Variants in SND1 observed in about 807,000 individuals in gnomAD.
SND1 encodes staphylococcal nuclease domain-containing protein 1.
In SND1, 38 loss-of-function variants were observed where a neutral mutation model predicts 121.7. That is an observed-to-expected ratio of 0.31 (90% confidence interval 0.24 to 0.41). The LOEUF (loss-of-function observed/expected upper bound fraction) is 0.41, where lower values mean the gene tolerates loss of function less well. SND1 is among the 10% of genes least tolerant of loss of function. The pLI, the probability that SND1 is intolerant of heterozygous loss-of-function variation, is 1.00. For synonymous variants in SND1, 401 were observed against 447.4 expected (o/e 0.90, Z 1.31); for missense variants, 868 against 1,184.6 (o/e 0.73, Z 3.92).
intron 15 of SND1, among the ~76,000 whole-genome samples, chr7:127,941,889 GTTTTTTT>G (rs34389081): frequency 1.0e-5 from 1 of 100,260 alleles, no homozygotes; most frequent in Non-Finnish European, 2.0e-5. Flanking sequence ...TTGATAGGGA[GTTTTTTT>G]TTTTTTTTTT....
rs1793060568 is a variant in SND1, at chr7:128,052,340, C to G, written c.1780-22162C>G. Among the ~76,000 whole-genome samples, 1 of 152,172 alleles carries G rather than the reference C, an allele frequency of 6.6e-6. No individual in the cohort carries two copies. Among genetic ancestry groups the G allele is most frequent in the South Asian group, 2.1e-4 (1 of 4,824 alleles). On this transcript the variant is annotated intron_variant, in intron 16 of 23. Coordinates refer to ENST00000354725, the MANE Select transcript of SND1 (RefSeq NM_014390.4). This position sits in a 1 kb window ranked among gnomAD's most constrained non-coding sequence, Gnocchi z 4.6. ...CCATCTCAGCTGTCTGGACAAGCTC[C>G]CATTCTGGCAGCTTGTCCATCAAGG...
chr7:127,962,721 A>G (rs1168711158), intron 15 of SND1, among the ~76,000 whole-genome samples: 2 of 152,212 alleles, frequency 1.3e-5, no homozygotes, highest in African/African-American at 2.4e-5. Context: ...ATTGAAAACT[A>G]TCCGACTGTC....
At chr7:127,702,285 A>C (rs1263663537) in intron 5 of SND1, 150 bp from the exon 6 acceptor site, 1 of 661,878 alleles carries the variant, frequency 1.5e-6, no homozygotes, top group African/African-American at 1.8e-5. Flanking sequence ...GTAAACTCTC[A>C]TGATCTGCAA....
At chr7:127,864,555 C>G (rs1799433886) in intron 12 of SND1, among the ~76,000 whole-genome samples, 1 of 152,134 alleles carries the variant, frequency 6.6e-6, no homozygotes, top group Non-Finnish European at 1.5e-5. Context: ...ACAGCAGAGT[C>G]TTTCCTGTTA....
At chr7:127,852,163 A>AAAAATAAAAT (rs71522258) in intron 12 of SND1, among the ~76,000 whole-genome samples, 3 of 133,904 alleles carry the variant, frequency 2.2e-5, no homozygotes, top group African/African-American at 5.0e-5. Context: ...CAGTCTCCAA[A>AAAAATAAAAT]AAAATAAAAT....
chr7:127,783,733 A>G lies in SND1; in HGVS notation c.1153-23751A>G, dbSNP rs7809452. 7.9e-3 allele frequency among the ~76,000 whole-genome samples: 1,205 copies of G among 152,304 alleles called. 18 individuals are homozygous for G. The highest frequency in any genetic ancestry group is 0.027 in the African/African-American group (1,126 of 41,546). On this transcript the variant is annotated intron_variant, in intron 10 of 23. Transcript: ENST00000354725. ...GAAAAAAAAATTCTCTTTAATCATC[A>G]AGCACTTATTGAGCACCTACTGTAC...
intron 2 of SND1, among the ~76,000 whole-genome samples, chr7:127,690,130 A>G (rs1715718021): frequency 6.6e-6 from 1 of 151,992 alleles, no homozygotes; most frequent in Admixed American, 6.5e-5. Flanking sequence ...ATATGCTCTC[A>G]GATTTTTTTG....
At chr7:127,692,823 C>T (rs185562610) in intron 2 of SND1, among the ~76,000 whole-genome samples, 28 of 152,280 alleles carry the variant, frequency 1.8e-4, no homozygotes, top group Admixed American at 7.9e-4. Context: ...TCTTATTGAC[C>T]GGTAACTAAC....
At chr7:127,901,303 A>T (rs1800226022) in intron 13 of SND1, among the ~76,000 whole-genome samples, 1 of 152,178 alleles carries the variant, frequency 6.6e-6, no homozygotes, top group South Asian at 2.1e-4. Flanking sequence ...CTCCCTTTGC[A>T]GATAGTGGTG....
At chr7:127,764,056 A>AAGC (rs1554422861) in intron 10 of SND1, among the ~76,000 whole-genome samples, 8 of 135,294 alleles carry the variant, frequency 5.9e-5, no homozygotes, top group Middle Eastern at 4.1e-3. Context: ...AAAAAAACAA[A>AAGC]AAAACAAAAA....
At chr7:127,679,391 C>T (rs2116285769) in intron 1 of SND1, 1 of 152,272 alleles carries the variant, frequency 6.6e-6, no homozygotes, top group East Asian at 1.9e-4. Flanking sequence ...GTAAAATATA[C>T]ATTTTATGTC....
chr7:127,879,554 G>A (rs1229735183), intron 12 of SND1, among the ~76,000 whole-genome samples: 1 of 152,102 alleles, frequency 6.6e-6, no homozygotes, highest in South Asian at 2.1e-4. Context: ...TCAGCACCCT[G>A]TAGCTTTCCT....
At chr7:128,033,423 C>T (rs138405461) in intron 16 of SND1, among the ~76,000 whole-genome samples, 2 of 152,320 alleles carry the variant, frequency 1.3e-5, no homozygotes, top group East Asian at 1.9e-4. Flanking sequence ...CCCCTCTCCC[C>T]GTGTGATTTC....
intron 9 of SND1, among the ~76,000 whole-genome samples, chr7:127,712,754 A>T (rs1796318836): frequency 6.6e-6 from 1 of 152,118 alleles, no homozygotes; most frequent in South Asian, 2.1e-4. Flanking sequence ...TTTTGGGCTT[A>T]TGTATAGATA....
Position 127,847,414 on chromosome 7 carries a change from T to C in SND1, c.1343+2990T>C, listed in dbSNP as rs77503550. On this transcript the variant is annotated intron_variant, in intron 12 of 23. Coordinates refer to ENST00000354725, the MANE Select transcript of SND1 (RefSeq NM_014390.4). ...CCTTTTATCTTACTTAATGGTGATT[T>C]ATAAACACTAGCCAGAGAAGAGGCT... is the stretch of plus-strand genomic sequence containing the variant. 5.1e-3 allele frequency among the ~76,000 whole-genome samples: 778 copies of C among 152,360 alleles called. 5 individuals are homozygous for C. Among genetic ancestry groups the C allele is most frequent in the Non-Finnish European group, 8.9e-3 (603 of 68,034 alleles).
At chr7:127,726,525 A>G (rs932015197) in intron 10 of SND1, among the ~76,000 whole-genome samples, 3 of 152,196 alleles carry the variant, frequency 2.0e-5, no homozygotes, top group African/African-American at 7.2e-5. Flanking sequence ...TCTTGGAGAA[A>G]GGCTGTGGGT....
In SND1 at chr7:128,085,761, T is replaced by G; in HGVS notation, c.2285T>G (p.Phe762Cys). The change falls in exon 20 of 24, where the codon TTC becomes TGC. Residue 762 changes from phenylalanine (F) to cysteine (C), a missense_variant. Phe to Cys is a radical substitution (Grantham distance 205, BLOSUM62 -2). Coordinates refer to ENST00000354725, the MANE Select transcript of SND1 (RefSeq NM_014390.4). The surrounding 1 kb of genome is among the most constrained non-coding windows in gnomAD (Gnocchi z 4.4). Reference protein sequence around the residue: ...KVESPAKIHVFYIDYGNREVL... With the variant: ...KVESPAKIHVCYIDYGNREVL... ...GAGTCTCCTGCCAAAATACATGTCT[T>G]CTACATTGACTACGGCAACGTGAGT... is the stretch of plus-strand genomic sequence containing the variant. The G allele has an allele frequency of 1.2e-6, 2 of 1,614,062 alleles. No individual in the cohort carries two copies. The highest frequency in any genetic ancestry group is 1.7e-6 in the Non-Finnish European group (2 of 1,180,002).
chr7:127,684,037 G>A (rs1795772758), intron 1 of SND1, among the ~76,000 whole-genome samples: 1 of 152,150 alleles, frequency 6.6e-6, no homozygotes, highest in Non-Finnish European at 1.5e-5. Context: ...ATTGTCCCCA[G>A]GGATCCGGTT....
chr7:127,680,519 C>T (rs1485159411), intron 1 of SND1, among the ~76,000 whole-genome samples: 1 of 152,056 alleles, frequency 6.6e-6, no homozygotes, highest in Non-Finnish European at 1.5e-5. Context: ...AGGGATGTTC[C>T]TTGCTGAGAA....
Sources: allele counts gnomAD v4.1 joint callset (sites outside exome capture counted in the v4.1 genomes callset), GRCh38; gene constraint gnomAD v4.1.1; non-coding constraint Gnocchi (gnomAD v3.1); transcripts MANE v1.5; gene names NCBI Gene and HGNC (gene_info 2026-07-23, HGNC 2026-07-21).